FER1L6: variants seen among roughly 807,000 people sequenced by gnomAD.
FER1L6 encodes fer-1 like family member 6, also known as fer-1-like protein 6.
A neutral mutation model predicts 219.2 loss-of-function variants in FER1L6; 177 were observed. The observed-to-expected ratio is 0.81, with a 90% CI of 0.71 to 0.91. The LOEUF (loss-of-function observed/expected upper bound fraction) is 0.91. Ranked by LOEUF, FER1L6 falls within the 40% of genes least tolerant of loss-of-function variation. The pLI is 0.00. For synonymous variants in FER1L6, 768 were observed against 824.3 expected (o/e 0.93, Z 1.17); for missense variants, 2,153 against 2,259.9 (o/e 0.95, Z 0.96).
chr8:124,089,239 C>T (rs978291367), intron 33 of FER1L6, among the ~76,000 whole-genome samples: 65 of 152,188 alleles, frequency 4.3e-4, no homozygotes, highest in African/African-American at 1.4e-3. Flanking sequence ...GCATGGGCAC[C>T]AGCTGAGTTC....
rs1812844906 is a variant in FER1L6 at position 123,900,916 on chromosome 8, A to G, written c.-8+48731A>G. Reference sequence around the variant, plus strand: ...GGATTCGGTTAGCTAGTATTTTGTTAAGGATTTTAGCATCTATGTTCATCA... The same window carrying G: ...GGATTCGGTTAGCTAGTATTTTGTTGAGGATTTTAGCATCTATGTTCATCA... On this transcript the variant is annotated intron_variant, in intron 1 of 40. Transcript: ENST00000522917. 3.3e-5 allele frequency among the ~76,000 whole-genome samples: 5 copies of G among 152,074 alleles called. No individual in the cohort carries two copies. The South Asian group carries it at 1.0e-3, about 31-fold the overall frequency.
intron 18 of FER1L6, among the ~76,000 whole-genome samples, chr8:124,034,897 C>G (rs1455783899): frequency 6.6e-6 from 1 of 152,178 alleles, no homozygotes; most frequent in African/African-American, 2.4e-5. Flanking sequence ...TTTTGACTTT[C>G]GTCTCTGTCA....
At chr8:123,938,085 C>G (rs1185402443) in intron 1 of FER1L6, among the ~76,000 whole-genome samples, 1 of 152,200 alleles carries the variant, frequency 6.6e-6, no homozygotes, top group South Asian at 2.1e-4. Flanking sequence ...GTTCCTCCAT[C>G]CTATCATACC....
At chr8:123,945,812 C>T (rs781003313) in intron 1 of FER1L6, among the ~76,000 whole-genome samples, 2 of 152,112 alleles carry the variant, frequency 1.3e-5, no homozygotes, top group African/African-American at 4.8e-5. Flanking sequence ...AGATTCTTTG[C>T]GAGTCATATT....
At chr8:124,104,158 A>C (rs1289284291) in intron 39 of FER1L6, among the ~76,000 whole-genome samples, 1 of 152,182 alleles carries the variant, frequency 6.6e-6, no homozygotes, top group Non-Finnish European at 1.5e-5. Flanking sequence ...TGTCTCTTCT[A>C]TCCATTCTTA....
intron 39 of FER1L6, among the ~76,000 whole-genome samples, chr8:124,114,115 G>T (rs1315742287): frequency 6.6e-6 from 1 of 151,952 alleles, no homozygotes; most frequent in Non-Finnish European, 1.5e-5. Flanking sequence ...GCTATTGATC[G>T]ATCTATTTAC....
Position 123,921,953 on chromosome 8 carries a change from C to G in FER1L6, c.-7-34039C>G, listed in dbSNP as rs527893355. 2.0e-5 allele frequency among the ~76,000 whole-genome samples: 3 copies of G among 152,278 alleles called. No homozygotes were observed. In the East Asian group the frequency reaches 5.8e-4, roughly 29 times the overall value. On this transcript the variant is annotated intron_variant, in intron 1 of 40. Coordinates refer to ENST00000522917, the MANE Select transcript of FER1L6 (RefSeq NM_001039112.2). ...TTCATCTGTTTGAGCCACTGTTTCT[C>G]CATTTCTGACAGGATGGGCTGGGCC...
Position 124,069,157 on chromosome 8 carries a change from C to G in FER1L6, c.3719-203C>G, listed in dbSNP as rs536845859. On this transcript the variant is annotated intron_variant, in intron 28 of 40. Coordinates refer to ENST00000522917, the MANE Select transcript of FER1L6 (RefSeq NM_001039112.2). ...TTCACCGTGTTAGCCAGGATGGTCT[C>G]GATCTCCTGACCTTGTGATCTGCCT... 3.8e-3 allele frequency among the ~76,000 whole-genome samples: 576 copies of G among 151,994 alleles called. 3 individuals are homozygous for G. The highest frequency in any genetic ancestry group is 6.8e-3 in the Middle Eastern group (2 of 294).
At chr8:123,898,963 C>A (rs1233563894) in intron 1 of FER1L6, among the ~76,000 whole-genome samples, 1 of 151,548 alleles carries the variant, frequency 6.6e-6, no homozygotes, top group African/African-American at 2.4e-5. Flanking sequence ...CTGCTATAAA[C>A]ATGCATGTGC....
At chr8:124,106,389 A>G (rs1822778530) in intron 39 of FER1L6, among the ~76,000 whole-genome samples, 1 of 150,962 alleles carries the variant, frequency 6.6e-6, no homozygotes, top group East Asian at 2.0e-4. Context: ...TATATGAATT[A>G]TATCTCAATT....
At chr8:123,971,480 A>T (rs1389753004) in intron 6 of FER1L6, among the ~76,000 whole-genome samples, 1 of 152,202 alleles carries the variant, frequency 6.6e-6, no homozygotes, top group Non-Finnish European at 1.5e-5. Context: ...TAATCACTAG[A>T]TTTTTATATT....
At chr8:124,002,144 A>G (rs1406006152) in intron 12 of FER1L6, among the ~76,000 whole-genome samples, 1 of 152,248 alleles carries the variant, frequency 6.6e-6, no homozygotes. Context: ...TTCAGGCACA[A>G]GAAGGGGGCC....
At chr8:123,956,448 G>A (rs569898409) in intron 2 of FER1L6, among the ~76,000 whole-genome samples, 1 of 152,336 alleles carries the variant, frequency 6.6e-6, no homozygotes, top group African/African-American at 2.4e-5. Context: ...GGAAGATCAA[G>A]CAAGATTTTG....
chr8:124,060,858 G>A (rs1402998579), intron 24 of FER1L6, 149 bp downstream of exon 24: 3 of 947,288 alleles, frequency 3.2e-6, no homozygotes, highest in Admixed American at 5.9e-5. Flanking sequence ...GACTTTTGTT[G>A]TTGTTGTTTT....
At chr8:124,029,183 T>C (rs1005792111) in intron 18 of FER1L6, among the ~76,000 whole-genome samples, 1 of 152,244 alleles carries the variant, frequency 6.6e-6, no homozygotes, top group African/African-American at 2.4e-5. Flanking sequence ...CTATCATCGA[T>C]GGGCATTTGG....
intron 11 of FER1L6, among the ~76,000 whole-genome samples, chr8:123,983,159 A>G (rs985012639): frequency 2.0e-5 from 3 of 152,282 alleles, no homozygotes; most frequent in East Asian, 1.9e-4. Flanking sequence ...CATCAACATG[A>G]TGATGCCGTT....
chr8:123,993,826 T>C (rs575497159), intron 12 of FER1L6, among the ~76,000 whole-genome samples: 1 of 152,268 alleles, frequency 6.6e-6, no homozygotes, highest in Admixed American at 6.5e-5. Context: ...TCCTCAAGTC[T>C]CCCAGCAGTG....
chr8:124,016,153 A>T (rs1818191275), intron 15 of FER1L6: 1 of 152,384 alleles, frequency 6.6e-6, no homozygotes, highest in African/African-American at 2.4e-5. Flanking sequence ...AGAAGTGATT[A>T]TGTCTACCTG....
At chr8:123,898,778 T>C (rs1378892686) in intron 1 of FER1L6, among the ~76,000 whole-genome samples, 4 of 141,106 alleles carry the variant, frequency 2.8e-5, no homozygotes, top group African/African-American at 7.8e-5. Flanking sequence ...TGTGTATATA[T>C]ACGTATGTAC....
Sources: gnomAD v4.1 joint callset for allele counts (sites outside exome capture counted in the v4.1 genomes callset) on GRCh38, gnomAD v4.1.1 for gene constraint, MANE v1.5 for transcripts, NCBI Gene and HGNC (gene_info 2026-07-23, HGNC 2026-07-21) for gene names.